Variants in HS6ST3 observed in about 807,000 individuals in gnomAD.
HS6ST3 encodes the protein heparan-sulfate 6-O-sulfotransferase 3.
A neutral mutation model predicts 36.7 loss-of-function variants in HS6ST3; 12 were observed. The observed-to-expected ratio is 0.33, with a 90% CI of 0.21 to 0.53. The LOEUF is 0.53. Ranked by LOEUF, HS6ST3 falls within the 20% of genes least tolerant of loss-of-function variation. The pLI is 0.95. For synonymous variants in HS6ST3, 240 were observed against 257.5 expected (o/e 0.93, Z 0.65); for missense variants, 584 against 640.9 (o/e 0.91, Z 0.96).
intron 1 of HS6ST3, among the ~76,000 whole-genome samples, chr13:96,544,515 G>A (rs1332386162): frequency 1.3e-5 from 2 of 152,164 alleles, no homozygotes; most frequent in African/African-American, 4.8e-5. Flanking sequence ...TTTAACAAAA[G>A]AGTGAGCACT....
chr13:96,596,154 A>T (rs1370950416), intron 1 of HS6ST3, among the ~76,000 whole-genome samples: 1 of 152,114 alleles, frequency 6.6e-6, no homozygotes, highest in African/African-American at 2.4e-5. Flanking sequence ...ATGTCTTTCC[A>T]TATCCATGGC....
chr13:96,102,552 G>A (rs763504491), intron 1 of HS6ST3, among the ~76,000 whole-genome samples: 58 of 152,066 alleles, frequency 3.8e-4, no homozygotes, highest in Non-Finnish European at 7.4e-4. Context: ...TCAGACTGAG[G>A]CCTAAAACAC....
At chr13:96,175,858 G>A (rs911838095) in intron 1 of HS6ST3, among the ~76,000 whole-genome samples, 2 of 151,056 alleles carry the variant, frequency 1.3e-5, no homozygotes, top group African/African-American at 4.9e-5. Context: ...TTTTTGAGAC[G>A]GAGTCTTGCT....
At chr13:96,470,809 C>T (rs75649500) in intron 1 of HS6ST3, among the ~76,000 whole-genome samples, 6 of 152,112 alleles carry the variant, frequency 3.9e-5, no homozygotes, top group Non-Finnish European at 7.3e-5. Flanking sequence ...TGGTTTGTGA[C>T]CCTGTTCCTT....
intron 1 of HS6ST3, among the ~76,000 whole-genome samples, chr13:96,829,893 C>A (rs1444851746): frequency 1.3e-5 from 2 of 152,054 alleles, no homozygotes; most frequent in African/African-American, 2.4e-5. Flanking sequence ...AATGATAGTT[C>A]TGTCTTTAGG....
intron 1 of HS6ST3, among the ~76,000 whole-genome samples, chr13:96,592,468 A>T (rs542908155): frequency 6.6e-6 from 1 of 152,250 alleles, no homozygotes; most frequent in Admixed American, 6.5e-5. Context: ...TTACAGTGTT[A>T]TGATATTCTG....
chr13:96,758,262 CTATT>C (rs1876882410), intron 1 of HS6ST3, among the ~76,000 whole-genome samples: 1 of 151,766 alleles, frequency 6.6e-6, no homozygotes, highest in African/African-American at 2.4e-5. Context: ...CATACTGAAT[CTATT>C]TATTTATTTA....
chr13:96,428,172 C>A (rs2055596615), intron 1 of HS6ST3, among the ~76,000 whole-genome samples: 1 of 151,954 alleles, frequency 6.6e-6, no homozygotes, highest in African/African-American at 2.4e-5. Context: ...ATGATGAAAC[C>A]CCATCTCTAC....
intron 1 of HS6ST3, among the ~76,000 whole-genome samples, chr13:96,662,797 C>T (rs1354145296): frequency 1.3e-5 from 2 of 151,918 alleles, no homozygotes; most frequent in Non-Finnish European, 2.9e-5. Flanking sequence ...TGTTTTCTTT[C>T]CTCTTGAGAG....
At chr13:96,377,646 G>A (rs1594766672) in intron 1 of HS6ST3, among the ~76,000 whole-genome samples, 1 of 152,100 alleles carries the variant, frequency 6.6e-6, no homozygotes, top group East Asian at 1.9e-4. Flanking sequence ...TGAACCAAAT[G>A]ATACATTAAG....
chr13:96,383,184 G>T (rs1384233517), intron 1 of HS6ST3, among the ~76,000 whole-genome samples: 1 of 152,034 alleles, frequency 6.6e-6, no homozygotes. Context: ...GGGCATGGTG[G>T]CTCACTCCTG....
At chr13:96,304,536 G>A (rs2054899622) in intron 1 of HS6ST3, among the ~76,000 whole-genome samples, 1 of 151,948 alleles carries the variant, frequency 6.6e-6, no homozygotes, top group Admixed American at 6.6e-5. Flanking sequence ...TGGTGGGAGG[G>A]TGAAAGGGTG....
intron 1 of HS6ST3, among the ~76,000 whole-genome samples, chr13:96,170,556 T>A (rs2054182769): frequency 6.6e-6 from 1 of 152,166 alleles, no homozygotes. Context: ...TCTCCAGAAG[T>A]TTAAAAATGG....
At chr13:96,487,149 A>G (rs2055919374) in intron 1 of HS6ST3, among the ~76,000 whole-genome samples, 1 of 152,122 alleles carries the variant, frequency 6.6e-6, no homozygotes, top group African/African-American at 2.4e-5. Context: ...TTGTTTTTAC[A>G]GAAGTATAAA....
intron 1 of HS6ST3, among the ~76,000 whole-genome samples, chr13:96,184,164 G>A (rs2054253752): frequency 7.6e-6 from 1 of 130,844 alleles, no homozygotes; most frequent in South Asian, 2.4e-4. Context: ...TCGCACCACT[G>A]CCATCCAGCC....
At chr13:96,686,331 C>T (rs1409543152) in intron 1 of HS6ST3, among the ~76,000 whole-genome samples, 11 of 151,998 alleles carry the variant, frequency 7.2e-5, no homozygotes, top group Admixed American at 6.6e-4. Context: ...ATTCATCCCC[C>T]CCACTCAATA....
chr13:96,651,320 C>G (rs1490501162), intron 1 of HS6ST3, among the ~76,000 whole-genome samples: 1 of 152,052 alleles, frequency 6.6e-6, no homozygotes, highest in East Asian at 1.9e-4. Context: ...CTTCTGACTA[C>G]AGAAACTGTA....
chr13:96,116,695 GTGATAAAT>G (rs1354960340), intron 1 of HS6ST3, among the ~76,000 whole-genome samples: 1 of 152,208 alleles, frequency 6.6e-6, no homozygotes, highest in Non-Finnish European at 1.5e-5. Flanking sequence ...ATTATAGCAA[GTGATAAAT>G]TGCAGTAAAT....
chr13:96,577,526 A>G (rs977892089), intron 1 of HS6ST3, among the ~76,000 whole-genome samples: 1 of 152,234 alleles, frequency 6.6e-6, no homozygotes, highest in Non-Finnish European at 1.5e-5. Flanking sequence ...TTGGATATAT[A>G]TATACCCAGT....
Sources: gnomAD v4.1 joint callset for allele counts (sites outside exome capture counted in the v4.1 genomes callset) on GRCh38, gnomAD v4.1.1 for gene constraint, MANE v1.5 for transcripts, NCBI Gene and HGNC (gene_info 2026-07-23, HGNC 2026-07-21) for gene names.